Variants in CEP350 observed in about 807,000 individuals in gnomAD.
CEP350 encodes centrosomal protein 350, also known as centrosome-associated protein 350.
Under a neutral mutation model 331.8 loss-of-function variants are expected in CEP350, and 126 were observed. That is an observed-to-expected ratio of 0.38 (90% confidence interval 0.33 to 0.44). CEP350 has a LOEUF of 0.44. Among genes scored for constraint, CEP350 ranks in the 20% least tolerant of loss-of-function variants. The probability of loss-of-function intolerance (pLI) is 1.00; values close to 1 mark genes in which losing one functional copy is unlikely to be tolerated. For synonymous variants in CEP350, 1,200 were observed against 1,259.5 expected, an observed-to-expected ratio of 0.95 and a Z score of 1.00; for missense variants, 3,406 against 3,634.6, an observed-to-expected ratio of 0.94 and a Z score of 1.62.
At chr1:180,018,857 C>CTTTTT (rs5779042) in intron 11 of CEP350, among the ~76,000 whole-genome samples, 2 of 142,098 alleles carry the variant, frequency 1.4e-5, no homozygotes, top group African/African-American at 2.6e-5. Context: ...CTCTTTCTTT[C>CTTTTT]TTTTTTTTTT....
rs1455844630 is a variant in CEP350, at chr1:180,020,724, G to A, written c.2950G>A (p.Glu984Lys). 3.1e-6 allele frequency: 5 copies of A among 1,614,058 alleles called. No individual in the cohort carries two copies. The highest frequency in any genetic ancestry group is 1.7e-5 in the Admixed American group (1 of 60,030). The change falls in exon 12 of 38, where the codon GAA becomes AAA. Residue 984 changes from glutamate (E) to lysine (K), a missense_variant. Glu to Lys is a moderately conservative substitution (Grantham distance 56). Around this residue, in one of 5 missense-constraint regions of CEP350, gnomAD observed 1,857 missense variants for 1,909.2 expected, o/e 0.97. Coordinates refer to ENST00000367607, the MANE Select transcript of CEP350 (RefSeq NM_014810.5). ...SLGSSIDSVSEGPLLSEGSLS... is the reference protein window; with the variant it reads ...SLGSSIDSVSKGPLLSEGSLS... ...TGGTTCCAGCATAGATTCAGTCAGT[G>A]AAGGGCCTCTTCTTAGTGAGGGGAG...
intron 27 of CEP350, among the ~76,000 whole-genome samples, chr1:180,069,302 A>G (rs753155292): frequency 3.9e-5 from 6 of 152,224 alleles, no homozygotes; most frequent in Non-Finnish European, 8.8e-5. Flanking sequence ...TAAATATTTT[A>G]TGACATTTCT....
intron 1 of CEP350, among the ~76,000 whole-genome samples, chr1:179,984,359 G>T (rs536877246): frequency 6.6e-6 from 1 of 152,350 alleles, no homozygotes; most frequent in East Asian, 1.9e-4. Flanking sequence ...TAAGGTTGCA[G>T]TCAGGATGTC....
chr1:180,111,232 C>A lies in CEP350; in HGVS notation c.*71C>A. ...GCCTTTCTGCCTCCTGATGTACACC[C>A]ATCGCCATCATAGCAAGAGTGCTTC... On this transcript the variant is annotated 3_prime_UTR_variant, in exon 38 of 38. Transcript: ENST00000367607. The A allele has an allele frequency of 6.5e-7, 1 of 1,542,908 alleles. No homozygotes were observed. Among genetic ancestry groups the A allele is most frequent in the East Asian group, 2.3e-5 (1 of 44,094 alleles).
chr1:180,010,198 C>T (rs1170226734), intron 8 of CEP350, among the ~76,000 whole-genome samples: 1 of 151,938 alleles, frequency 6.6e-6, no homozygotes, highest in Non-Finnish European at 1.5e-5. Context: ...TTGTAATGGC[C>T]ACACAATATT....
intron 7 of CEP350, among the ~76,000 whole-genome samples, chr1:180,004,888 TTGCTTGCTTGCTTG>T (rs1654122669): frequency 3.9e-4 from 22 of 55,838 alleles, no homozygotes; most frequent in African/African-American, 1.2e-3. Flanking sequence ...GCTTGCTTGC[TTGCTTGCTTGCTTG>T]CTTGCTTTCT....
rs2148971320 is a variant in CEP350 at position 180,053,854 on chromosome 1, G to A, written c.5094G>A (p.Gln1698=). The A allele has an allele frequency of 1.9e-6, 3 of 1,612,360 alleles. No individual in the cohort carries two copies. The highest frequency in any genetic ancestry group is 1.7e-6 in the Non-Finnish European group (2 of 1,178,834). ...AGGAAGAAATGAGGGCAGCTCACCA[G>A]TCTTCACTCCTGCGTCTCCGTGAAA... ...MKEEEMRAAH[Q]SSLLRLREKA... is the part of the protein sequence containing the mutation. Residue 1698 remains glutamine, a synonymous_variant, in exon 24 of 38, where the codon CAG becomes CAA. Coordinates refer to ENST00000367607, the MANE Select transcript of CEP350 (RefSeq NM_014810.5).
At chr1:180,067,382 T>C (rs1022456164) in intron 27 of CEP350, among the ~76,000 whole-genome samples, 1 of 152,198 alleles carries the variant, frequency 6.6e-6, no homozygotes, top group African/African-American at 2.4e-5. Flanking sequence ...AATGTTTGAA[T>C]GATGGTGCTG....
chr1:180,012,064 C>A lies in CEP350; in HGVS notation c.1382C>A (p.Thr461Asn). The change falls in exon 9 of 38, where the codon ACT (threonine) becomes AAT (asparagine). Residue 461 changes from threonine (T) to asparagine (N), a missense_variant. This residue lies in a region of CEP350 where 1,857 missense variants were observed against 1,909.2 expected (regional missense o/e 0.97). Coordinates refer to ENST00000367607, the MANE Select transcript of CEP350 (RefSeq NM_014810.5). The stretch of plus-strand genomic sequence containing the variant: ...AGTGACAGAGGTGGAAGAGAAAGAA[C>A]TGCTAAATCTGGTAAGTAGCTATAA... ...ASSDRGGRER[T>N]AKSGGHIGRA... 1 of 1,554,618 alleles carries A rather than the reference C, an allele frequency of 6.4e-7. No individual in the cohort carries two copies. Among genetic ancestry groups the A allele is most frequent in the Non-Finnish European group, 8.7e-7 (1 of 1,150,718 alleles).
Position 179,997,068 on chromosome 1 carries a change from A to C in CEP350, c.911A>C (p.Gln304Pro). The C allele has an allele frequency of 6.2e-7, 1 of 1,614,070 alleles. No individual in the cohort carries two copies. ...TCAGAAGAAACAAATGGCCGGGGCCAGAAGCTGGGTCATATTGACCATCCA... is the reference window on the plus strand; with the variant it reads ...TCAGAAGAAACAAATGGCCGGGGCCCGAAGCTGGGTCATATTGACCATCCA... ...EHSEETNGRG[Q>P]KLGHIDHPVM... The change falls in exon 6 of 38, where the codon CAG becomes CCG. Residue 304 changes from glutamine (Q) to proline (P), a missense_variant. By Grantham distance (76) the Gln-to-Pro change is moderately conservative. Around this residue, in one of 5 missense-constraint regions of CEP350, gnomAD observed 1,857 missense variants for 1,909.2 expected, o/e 0.97. Transcript: ENST00000367607.
chr1:180,011,881 T>G, intron 8 of CEP350, 48 bp from the exon 9 acceptor site: 1 of 1,320,246 alleles, frequency 7.6e-7, no homozygotes, highest in Non-Finnish European at 1.1e-6. Flanking sequence ...GATACACTTC[T>G]TACAATTAAA....
chr1:180,034,210 A>G, intron 16 of CEP350, 128 bp downstream of exon 16: 1 of 1,207,946 alleles, frequency 8.3e-7, no homozygotes, highest in Non-Finnish European at 1.1e-6. Flanking sequence ...TTACTTTTCA[A>G]GTATTAAAAA....
At chr1:180,008,760 A>G (rs898873124) in intron 8 of CEP350, among the ~76,000 whole-genome samples, 1 of 152,198 alleles carries the variant, frequency 6.6e-6, no homozygotes, top group Non-Finnish European at 1.5e-5. Flanking sequence ...ATGTTGTTAC[A>G]ATAAAGTATG....
chr1:179,986,702 A>T (rs568858153), intron 2 of CEP350, among the ~76,000 whole-genome samples: 1 of 152,342 alleles, frequency 6.6e-6, no homozygotes, highest in African/African-American at 2.4e-5. Flanking sequence ...GAGATCTGGA[A>T]ATCAAGTCAT....
rs762580538 is a variant in CEP350, at chr1:180,090,844, A to G, written c.6508+48A>G. On this transcript the variant is annotated intron_variant, in intron 33 of 37. Coordinates refer to ENST00000367607, the MANE Select transcript of CEP350 (RefSeq NM_014810.5). ...TAACTTGTAGCTACATAGTCTAAGG[A>G]TTTATGCAAAGGCCTACAAAATTCT... 4 of 1,447,940 alleles carry G rather than the reference A, an allele frequency of 2.8e-6. No homozygotes were observed. In the South Asian group the frequency reaches 4.5e-5, roughly 16 times the overall value. The allele number at this position is 1,447,940 out of a possible 1,614,324, so 89.7% of individuals were successfully genotyped here.
At chr1:179,973,293 T>G (rs1017398664) in intron 1 of CEP350, among the ~76,000 whole-genome samples, 13 of 152,232 alleles carry the variant, frequency 8.5e-5, no homozygotes, top group Non-Finnish European at 1.5e-5. Flanking sequence ...TAAGAAACAC[T>G]AACATTTTTT....
At chr1:180,014,994 ATAT>A (rs143774095) in intron 10 of CEP350, among the ~76,000 whole-genome samples, 4,566 of 152,340 alleles carry the variant, frequency 0.03, 118 homozygotes, top group South Asian at 0.069. Flanking sequence ...GCTAAAGAAA[ATAT>A]TATTAAGAAA....
chr1:179,996,082 A>C (rs764887164), intron 5 of CEP350, among the ~76,000 whole-genome samples: 5 of 152,170 alleles, frequency 3.3e-5, no homozygotes, highest in Non-Finnish European at 7.4e-5. Flanking sequence ...ATCTCTTTAC[A>C]TATCTTTTTC....
intron 29 of CEP350, 39 bp from the exon 30 acceptor site, chr1:180,080,478 A>G (rs1368409542): frequency 8.2e-6 from 13 of 1,580,342 alleles, no homozygotes; most frequent in Non-Finnish European, 1.1e-5. Context: ...TTACAATTAT[A>G]TCAAAAAATA....
Sources: allele counts gnomAD v4.1 joint callset (sites outside exome capture counted in the v4.1 genomes callset), GRCh38; gene constraint gnomAD v4.1.1; regional missense constraint gnomAD v4.1.1; transcripts MANE v1.5; gene names NCBI Gene and HGNC (gene_info 2026-07-23, HGNC 2026-07-21).